ACOXL: variants seen among roughly 807,000 people sequenced by gnomAD.
The protein encoded by ACOXL is acyl-CoA oxidase like, also known as acyl-coenzyme A oxidase-like protein.
ACOXL carries 70 observed loss-of-function variants against 71.9 expected under a neutral mutation model. That is an observed-to-expected ratio of 0.97 (90% confidence interval 0.80 to 1.19). The LOEUF is 1.19. Ranked by LOEUF, ACOXL falls within the 50% of genes most tolerant of loss-of-function variation. The probability of loss-of-function intolerance (pLI) is 0.00; values close to 1 mark genes in which losing one functional copy is unlikely to be tolerated. For missense variants in ACOXL, 703 were observed against 736.3 expected, an observed-to-expected ratio of 0.95 and a Z score of 0.52; for synonymous variants, 253 against 281.6, an observed-to-expected ratio of 0.90 and a Z score of 1.02.
chr2:110,762,770 C>G (rs1400792165), intron 1 of ACOXL, among the ~76,000 whole-genome samples: 1 of 152,116 alleles, frequency 6.6e-6, no homozygotes, highest in African/African-American at 2.4e-5. Context: ...ATCCTCCTAC[C>G]TCAGACTCCC....
chr2:110,863,532 GA>G (rs200832241), intron 10 of ACOXL, among the ~76,000 whole-genome samples: 1 of 151,552 alleles, frequency 6.6e-6, no homozygotes, highest in African/African-American at 2.4e-5. Flanking sequence ...CCATATTCAG[GA>G]AAAAAAATTA....
chr2:110,948,916 A>G (rs911553641), intron 12 of ACOXL, among the ~76,000 whole-genome samples: 1 of 151,782 alleles, frequency 6.6e-6, no homozygotes, highest in Non-Finnish European at 1.5e-5. Context: ...TTGGAATAAC[A>G]TAGATGGTGT....
At chr2:110,814,553 A>C (rs547382611) in intron 9 of ACOXL, among the ~76,000 whole-genome samples, 4 of 152,312 alleles carry the variant, frequency 2.6e-5, no homozygotes, top group Non-Finnish European at 4.4e-5. Context: ...GGCCATTTAA[A>C]TTTGCCACCA....
intron 15 of ACOXL, among the ~76,000 whole-genome samples, chr2:111,043,909 G>A (rs1026583282): frequency 1.3e-5 from 2 of 152,166 alleles, no homozygotes; most frequent in African/African-American, 4.8e-5. Flanking sequence ...AAGCTCAGCT[G>A]GTGCAATCTC....
intron 10 of ACOXL, among the ~76,000 whole-genome samples, chr2:110,906,024 G>A (rs537144653): frequency 1.3e-5 from 2 of 152,276 alleles, no homozygotes; most frequent in Admixed American, 1.3e-4. Context: ...CCGCTACAAG[G>A]TGTGCCTCCA....
In ACOXL at chr2:110,793,676, T is replaced by G; in HGVS notation, c.186T>G (p.Gly62=). The part of the protein sequence containing the change: ...VKCGIIYWLF[G]GAIRNLGSPE... The stretch of plus-strand genomic sequence containing the variant: ...GCGGAATAATTTATTGGCTATTTGG[T>G]GGTGCTATCAGGAATCTCGGAAGCC... Residue 62 remains glycine (G), a synonymous_variant, in exon 4 of 18, where the codon GGT becomes GGG. Coordinates refer to ENST00000439055, the MANE Select transcript of ACOXL (RefSeq NM_001142807.4). The G allele has an allele frequency of 6.2e-7, 1 of 1,614,128 alleles. No individual in the cohort carries two copies. The highest frequency in any genetic ancestry group is 8.5e-7 in the Non-Finnish European group (1 of 1,179,984).
At chr2:110,762,682 G>T (rs1054725749) in intron 1 of ACOXL, among the ~76,000 whole-genome samples, 9 of 151,938 alleles carry the variant, frequency 5.9e-5, no homozygotes, top group African/African-American at 2.2e-4. Flanking sequence ...TTGAGACAGG[G>T]TCTCACTCTG....
intron 5 of ACOXL, 81 bp downstream of exon 5, chr2:110,794,255 C>T: frequency 7.5e-7 from 1 of 1,339,692 alleles, no homozygotes; most frequent in South Asian, 1.2e-5. Flanking sequence ...CTGTGTCCAG[C>T]TTCACACCCT....
chr2:110,817,860 G>A (rs1322043805), intron 9 of ACOXL, among the ~76,000 whole-genome samples: 2 of 151,736 alleles, frequency 1.3e-5, no homozygotes, highest in Non-Finnish European at 2.9e-5. Flanking sequence ...AATAGCTGAT[G>A]GTGTAAGGCA....
rs1018135553 is a variant in ACOXL at position 111,102,911 on chromosome 2, G to A, written c.1542+9945G>A. Reference sequence around the variant, plus strand: ...ACCTTTTCCCTTTGATTTTACAGACGAGACATTGCTGTGGCCTGTTCCATT... The same window carrying A: ...ACCTTTTCCCTTTGATTTTACAGACAAGACATTGCTGTGGCCTGTTCCATT... On this transcript the variant is annotated intron_variant, in intron 17 of 17. Coordinates refer to ENST00000439055, the MANE Select transcript of ACOXL (RefSeq NM_001142807.4). Among the ~76,000 whole-genome samples, 9 of 151,968 alleles carry A rather than the reference G, an allele frequency of 5.9e-5. 1 individual carries two copies. Among genetic ancestry groups the A allele is most frequent in the Admixed American group, 5.9e-4 (9 of 15,256 alleles).
At chr2:110,734,447 T>G (rs1274979173) in intron 1 of ACOXL, among the ~76,000 whole-genome samples, 1 of 152,028 alleles carries the variant, frequency 6.6e-6, no homozygotes, top group East Asian at 1.9e-4. Flanking sequence ...TTTTTTGTAT[T>G]TTTAGTAGAG....
chr2:110,807,493 A>C (rs957175516), intron 9 of ACOXL, among the ~76,000 whole-genome samples: 1 of 152,212 alleles, frequency 6.6e-6, no homozygotes, highest in African/African-American at 2.4e-5. Flanking sequence ...CCAAGTAACA[A>C]GGCAATGTGC....
At chr2:111,033,080 C>T (rs907332833) in intron 15 of ACOXL, among the ~76,000 whole-genome samples, 4 of 152,182 alleles carry the variant, frequency 2.6e-5, no homozygotes, top group Non-Finnish European at 4.4e-5. Flanking sequence ...GGGAACACCT[C>T]CCCAGAGACT....
At chr2:110,993,229 A>T (rs1460416678) in intron 13 of ACOXL, among the ~76,000 whole-genome samples, 1 of 152,222 alleles carries the variant, frequency 6.6e-6, no homozygotes, top group Admixed American at 6.5e-5. Flanking sequence ...GCATAAACCT[A>T]TGTAACCAAA....
At chr2:110,985,594 G>C (rs1037552155) in intron 12 of ACOXL, among the ~76,000 whole-genome samples, 2 of 152,190 alleles carry the variant, frequency 1.3e-5, no homozygotes, top group Admixed American at 6.5e-5. Flanking sequence ...TTATGGTCCA[G>C]TCACACCTGG....
At chr2:111,115,901 T>A (rs950315272) in intron 17 of ACOXL, among the ~76,000 whole-genome samples, 13 of 152,348 alleles carry the variant, frequency 8.5e-5, no homozygotes, top group Non-Finnish European at 1.3e-4. Context: ...TTTATTTTTT[T>A]AAAATTTTCT....
intron 11 of ACOXL, among the ~76,000 whole-genome samples, chr2:110,921,853 A>T (rs2060092264): frequency 6.6e-6 from 1 of 152,216 alleles, no homozygotes; most frequent in South Asian, 2.1e-4. Flanking sequence ...AAAATAGTTT[A>T]AATTTCTCCT....
chr2:110,763,081 G>A (rs1680608536), intron 1 of ACOXL, among the ~76,000 whole-genome samples: 1 of 152,134 alleles, frequency 6.6e-6, no homozygotes, highest in African/African-American at 2.4e-5. Flanking sequence ...TAAATAAATG[G>A]TGGGATATTC....
chr2:111,074,136 G>A (rs1308743517), intron 16 of ACOXL, among the ~76,000 whole-genome samples: 2 of 149,798 alleles, frequency 1.3e-5, no homozygotes, highest in Non-Finnish European at 3.0e-5. Flanking sequence ...GAGGATTTAG[G>A]GCATGTCGGG....
Sources: allele counts gnomAD v4.1 joint callset (sites outside exome capture counted in the v4.1 genomes callset), GRCh38; gene constraint gnomAD v4.1.1; transcripts MANE v1.5; gene names NCBI Gene and HGNC (gene_info 2026-07-23, HGNC 2026-07-21).